NLGN4X: variants seen among roughly 807,000 people sequenced by gnomAD.
The protein encoded by NLGN4X is neuroligin 4 X-linked.
NLGN4X carries 3 observed loss-of-function variants against 40.3 expected under a neutral mutation model. The observed-to-expected ratio is 0.07, with a 90% CI of 0.03 to 0.19. The LOEUF is 0.19. NLGN4X is among the 10% of genes least tolerant of loss of function. NLGN4X has a pLI of 1.00. For missense variants in NLGN4X, 382 were observed against 708.3 expected (o/e 0.54, Z 5.23); for synonymous variants, 270 against 306.8 (o/e 0.88, Z 1.25).
chrX:5,937,768 C>A (rs757264463), intron 3 of NLGN4X, among the ~76,000 whole-genome samples: 1 of 111,761 alleles, frequency 8.9e-6, no homozygotes, highest in African/African-American at 3.3e-5. Flanking sequence ...ATTATCTCAA[C>A]ATAATACAAT....
At position 5,893,372 on chromosome X, in the gene NLGN4X, T is replaced by C. The variant is rs370184810; in HGVS notation, c.1896A>G (p.Ile632Met). 21 of 1,210,943 alleles carry C rather than the reference T, an allele frequency of 1.7e-5. No individual in the cohort carries two copies. The highest frequency in any genetic ancestry group is 2.3e-5 in the Non-Finnish European group (21 of 895,292). ...PYGTRRSPAK[I>M]WPTTKRPAIT... Reference sequence around the variant, plus strand: ...TTGCTGGGCGTTTGGTGGTTGGCCATATCTTGGCGGGAGATCGCCGGGTGC... The same window carrying C: ...TTGCTGGGCGTTTGGTGGTTGGCCACATCTTGGCGGGAGATCGCCGGGTGC... Residue 632 changes from isoleucine (I) to methionine (M), a missense_variant, in exon 6 of 6, where the codon ATA (isoleucine) becomes ATG (methionine). Transcript: ENST00000381095.
At chrX:5,911,036 C>T (rs765629066) in intron 3 of NLGN4X, among the ~76,000 whole-genome samples, 9 of 111,457 alleles carry the variant, frequency 8.1e-5, no homozygotes, top group African/African-American at 1.3e-4. Flanking sequence ...ATCTTTGACA[C>T]GATCGTTCAT....
chrX:5,901,614 T>C (rs1458988665), intron 5 of NLGN4X, among the ~76,000 whole-genome samples: 1 of 111,068 alleles, frequency 9.0e-6, no homozygotes, highest in Non-Finnish European at 1.9e-5. Context: ...TTTTCTACTA[T>C]ATTTAGGCCA....
intron 1 of NLGN4X, among the ~76,000 whole-genome samples, chrX:6,176,596 A>G (rs1364797843): frequency 8.9e-6 from 1 of 112,271 alleles, no homozygotes; most frequent in African/African-American, 3.2e-5. Context: ...AGAAAAGGGA[A>G]AAAGAAAAGA....
intron 3 of NLGN4X, among the ~76,000 whole-genome samples, chrX:5,926,420 T>C (rs2033320906): frequency 1.8e-5 from 2 of 111,024 alleles, no homozygotes; most frequent in Non-Finnish European, 3.8e-5. Flanking sequence ...TCTGCATATA[T>C]TATCTGAAAT....
chrX:5,924,094 CAG>C (rs2033178657), intron 3 of NLGN4X, among the ~76,000 whole-genome samples: 1 of 111,336 alleles, frequency 9.0e-6, no homozygotes, highest in African/African-American at 3.3e-5. Flanking sequence ...TGATGGAAAA[CAG>C]AATGCATTTT....
intron 3 of NLGN4X, among the ~76,000 whole-genome samples, chrX:6,026,876 T>A (rs867612096): frequency 1.5e-4 from 17 of 110,864 alleles, no homozygotes; most frequent in African/African-American, 5.6e-4. Context: ...TCCAGGCTAA[T>A]TTGCAAGATG....
At chrX:6,178,550 T>C (rs1921056553) in intron 1 of NLGN4X, among the ~76,000 whole-genome samples, 1 of 112,384 alleles carries the variant, frequency 8.9e-6, no homozygotes, top group South Asian at 3.7e-4. Context: ...GTGGGACAGA[T>C]TGAATCTGCC....
At chrX:6,003,926 C>T (rs2036036106) in intron 3 of NLGN4X, among the ~76,000 whole-genome samples, 1 of 111,635 alleles carries the variant, frequency 9.0e-6, no homozygotes, top group African/African-American at 3.3e-5. Context: ...CAAAATTGTT[C>T]GCCCTGGCTC....
chrX:6,078,619 G>C (rs7061311), intron 2 of NLGN4X, among the ~76,000 whole-genome samples: 52,754 of 110,696 alleles, frequency 0.48, 9,159 homozygotes, highest in Admixed American at 0.52. Flanking sequence ...AGCATATCAT[G>C]TGCTGATCCT....
intron 2 of NLGN4X, among the ~76,000 whole-genome samples, chrX:6,077,132 A>G (rs2038217897): frequency 8.9e-6 from 1 of 112,368 alleles, no homozygotes; most frequent in African/African-American, 3.2e-5. Flanking sequence ...ACAAGTGTGT[A>G]TTTGAAAATG....
intron 1 of NLGN4X, among the ~76,000 whole-genome samples, chrX:6,220,734 C>CTTTTTTTTTTT (rs774553248): frequency 1.5e-5 from 1 of 66,752 alleles, no homozygotes; most frequent in African/African-American, 6.9e-5. Context: ...TTATAACTTT[C>CTTTTTTTTTTT]TTTTTTTTTT....
rs781005111 is a variant in NLGN4X, at chrX:5,892,979, C to T, written c.2289G>A (p.Thr763=). The change falls in exon 6 of 6, where the codon ACG becomes ACA. Residue 763 remains threonine (T), a synonymous_variant. Coordinates refer to ENST00000381095, the MANE Select transcript of NLGN4X (RefSeq NM_181332.3). ...GGATGTCATCTGGCGACCGGCGCAG[C>T]GTGAGGGTGTAGTCTGGCGGGCAGG... ...RLTCPPDYTL[T]LRRSPDDIPL... is the part of the protein sequence containing the mutation. 5.8e-6 allele frequency: 7 copies of T among 1,209,440 alleles called. No homozygotes were observed. In the Admixed American group the frequency reaches 8.8e-5, roughly 15 times the overall value.
intron 2 of NLGN4X, among the ~76,000 whole-genome samples, chrX:6,061,427 TAAAAA>T (rs35449879): frequency 9.3e-6 from 1 of 107,157 alleles, no homozygotes; most frequent in African/African-American, 3.4e-5. Flanking sequence ...TTTCTCATCT[TAAAAA>T]AAAAAGTGTG....
At chrX:6,124,547 T>C (rs1197177047) in intron 2 of NLGN4X, among the ~76,000 whole-genome samples, 1 of 111,224 alleles carries the variant, frequency 9.0e-6, no homozygotes, top group African/African-American at 3.3e-5. Flanking sequence ...CTGGGCGTGG[T>C]GGTGTGCACC....
At chrX:6,079,181 G>A (rs764633892) in intron 2 of NLGN4X, among the ~76,000 whole-genome samples, 27 of 111,542 alleles carry the variant, frequency 2.4e-4, no homozygotes, top group Admixed American at 4.8e-4. Context: ...GGCAGGCAAC[G>A]GGAATTGGGT....
chrX:5,959,645 T>TATA (rs1426888398), intron 3 of NLGN4X, among the ~76,000 whole-genome samples: 2 of 111,901 alleles, frequency 1.8e-5, no homozygotes, highest in Non-Finnish European at 3.8e-5. Context: ...TAGCATATTA[T>TATA]CTATTCTATT....
At chrX:6,149,415 AT>A (rs1414985246) in intron 2 of NLGN4X, among the ~76,000 whole-genome samples, 1 of 112,021 alleles carries the variant, frequency 8.9e-6, no homozygotes, top group African/African-American at 3.2e-5. Context: ...TTTTCTCCCC[AT>A]TTTTGTCTTC....
At chrX:6,048,907 A>G (rs1381701750) in intron 2 of NLGN4X, among the ~76,000 whole-genome samples, 1 of 107,575 alleles carries the variant, frequency 9.3e-6, no homozygotes, top group East Asian at 3.0e-4. Context: ...CTTAATACCT[A>G]GGTGATGGAT....
Sources: allele counts gnomAD v4.1 joint callset (sites outside exome capture counted in the v4.1 genomes callset), GRCh38; gene constraint gnomAD v4.1.1; transcripts MANE v1.5; gene names NCBI Gene and HGNC (gene_info 2026-07-23, HGNC 2026-07-21).